The following TOM1L2 variants were observed in gnomAD, a reference collection of about 807,000 sequenced individuals.
TOM1L2 encodes the protein target of myb1 like 2 membrane trafficking protein.
TOM1L2 carries 31 observed loss-of-function variants against 67.9 expected under a neutral mutation model. The observed-to-expected ratio is 0.46, with a 90% CI of 0.34 to 0.62. The LOEUF (loss-of-function observed/expected upper bound fraction) is 0.62, where lower values mean the gene tolerates loss of function less well. Ranked by LOEUF, TOM1L2 falls within the 20% of genes least tolerant of loss-of-function variation. The pLI is 0.01. For missense variants in TOM1L2, 606 were observed against 663.5 expected (o/e 0.91, Z 0.95); for synonymous variants, 256 against 254.0 (o/e 1.01, Z -0.07).
intron 1 of TOM1L2, among the ~76,000 whole-genome samples, chr17:17,949,507 G>C (rs548423262): frequency 8.4e-4 from 128 of 152,340 alleles, no homozygotes; most frequent in African/African-American, 3.0e-3. Context: ...CCTGTGCCAG[G>C]GTGGGTATAT....
At chr17:17,887,211 C>T (rs950189154) in intron 4 of TOM1L2, among the ~76,000 whole-genome samples, 2 of 152,342 alleles carry the variant, frequency 1.3e-5, no homozygotes, top group Middle Eastern at 3.4e-3. Context: ...CTAATCTACC[C>T]GCTTCCTACC....
At chr17:17,861,592 C>T (rs750659543) in intron 11 of TOM1L2, 41 bp from the exon 12 acceptor site, 3 of 1,589,048 alleles carry the variant, frequency 1.9e-6, no homozygotes, top group South Asian at 1.1e-5. Context: ...TCATTTTCCT[C>T]CAGTGGTCAT....
intron 13 of TOM1L2, 186 bp from the exon 14 acceptor site, chr17:17,849,045 G>A (rs1490752696): frequency 5.5e-6 from 3 of 546,134 alleles, no homozygotes; most frequent in Admixed American, 3.5e-5. Flanking sequence ...TGGAGAAACA[G>A]AAGCTTTGTT....
At chr17:17,935,875 G>A (rs1437902206) in intron 1 of TOM1L2, among the ~76,000 whole-genome samples, 1 of 151,852 alleles carries the variant, frequency 6.6e-6, no homozygotes, top group Admixed American at 6.6e-5. Context: ...AGCAAATTCT[G>A]AGGAATGACT....
intron 1 of TOM1L2, among the ~76,000 whole-genome samples, chr17:17,968,597 G>A (rs1297064621): frequency 6.6e-5 from 10 of 151,746 alleles, no homozygotes; most frequent in South Asian, 4.2e-4. Flanking sequence ...CTTGTGGGGC[G>A]GAGGTTGCAG....
At chr17:17,917,450 CTTTTTTTTTTTTTTT>C (rs71155307) in intron 1 of TOM1L2, among the ~76,000 whole-genome samples, 5 of 36,348 alleles carry the variant, frequency 1.4e-4, no homozygotes, top group African/African-American at 2.0e-4. Context: ...TACCATTGGT[CTTTTTTTTTTTTTTT>C]TTTTTTTTTT....
At chr17:17,960,225 T>C (rs1395557341) in intron 1 of TOM1L2, among the ~76,000 whole-genome samples, 1 of 152,202 alleles carries the variant, frequency 6.6e-6, no homozygotes, top group Non-Finnish European at 1.5e-5. Flanking sequence ...CCACAAACAA[T>C]ACTAAGCTCT....
Position 17,943,720 on chromosome 17 carries a change from A to T in TOM1L2, c.52+28542T>A, listed in dbSNP as rs538434540. Among the ~76,000 whole-genome samples, 7 of 152,088 alleles carry T rather than the reference A, an allele frequency of 4.6e-5. No homozygotes were observed. In the South Asian group the frequency reaches 1.5e-3, roughly 32 times the overall value. On this transcript the variant is annotated intron_variant, in intron 1 of 14. Transcript: ENST00000379504. ...GAAAATCTGATCTCATCTTCCCCCT[A>T]AGTATTAAAAACCTCCCAGATCTCC...
intron 1 of TOM1L2, among the ~76,000 whole-genome samples, chr17:17,964,805 C>T (rs959452306): frequency 2.0e-5 from 3 of 152,080 alleles, no homozygotes; most frequent in Non-Finnish European, 2.9e-5. Flanking sequence ...TTAGATATTC[C>T]GATAGCCCAC....
At chr17:17,955,907 T>C (rs1465422295) in intron 1 of TOM1L2, among the ~76,000 whole-genome samples, 1 of 152,168 alleles carries the variant, frequency 6.6e-6, no homozygotes, top group East Asian at 1.9e-4. Flanking sequence ...TTACAGCTCT[T>C]AAGGCAGCGT....
At chr17:17,938,989 T>C (rs140055594) in intron 1 of TOM1L2, among the ~76,000 whole-genome samples, 12 of 152,290 alleles carry the variant, frequency 7.9e-5, no homozygotes, top group African/African-American at 2.9e-4. Flanking sequence ...TAGAATTCCA[T>C]TCTGTCTGAC....
Position 17,847,477 on chromosome 17 carries a change from C to T in TOM1L2, c.*158G>A. The T allele has an allele frequency of 1.0e-6, 1 of 962,438 alleles. No homozygotes were observed. The highest frequency in any genetic ancestry group is 1.5e-6 in the Non-Finnish European group (1 of 665,932). 59.6% of individuals were successfully genotyped at this position (962,438 alleles called of 1,614,324 possible). A position where few individuals can be genotyped will look rare whatever the true frequency, so the allele number is the denominator to read the frequency against. On this transcript the variant is annotated 3_prime_UTR_variant, in exon 15 of 15. Transcript: ENST00000379504. ...AGAAAAGAAGTGGCTGAAGCTGGTC[C>T]TGACTAGTGGGAGGCCTGGGAGCAG...
intron 7 of TOM1L2, among the ~76,000 whole-genome samples, chr17:17,879,148 T>C (rs1169422666): frequency 6.6e-6 from 1 of 152,164 alleles, no homozygotes; most frequent in Non-Finnish European, 1.5e-5. Flanking sequence ...GGGGGTGAGG[T>C]GCCACTACAA....
chr17:17,954,463 C>G (rs1330421295), intron 1 of TOM1L2, among the ~76,000 whole-genome samples: 3 of 152,182 alleles, frequency 2.0e-5, no homozygotes, highest in African/African-American at 4.8e-5. Flanking sequence ...CAGGAACCCA[C>G]CACCATGTCC....
intron 1 of TOM1L2, among the ~76,000 whole-genome samples, chr17:17,928,796 A>AT (rs150561338): frequency 3.9e-3 from 584 of 150,860 alleles, no homozygotes; most frequent in African/African-American, 0.014. Context: ...GTGTCTCAGG[A>AT]TTTTTTTTTT....
intron 1 of TOM1L2, among the ~76,000 whole-genome samples, chr17:17,935,887 A>C (rs1345607170): frequency 1.3e-5 from 2 of 151,868 alleles, no homozygotes; most frequent in East Asian, 3.9e-4. Context: ...GGAATGACTC[A>C]CACTGGTGGT....
At chr17:17,959,913 G>T (rs1486116963) in intron 1 of TOM1L2, among the ~76,000 whole-genome samples, 1 of 152,248 alleles carries the variant, frequency 6.6e-6, no homozygotes, top group Non-Finnish European at 1.5e-5. Context: ...AATTTAGCAT[G>T]TGTTTAAATT....
At chr17:17,909,593 G>C (rs2039253112) in intron 1 of TOM1L2, among the ~76,000 whole-genome samples, 1 of 151,680 alleles carries the variant, frequency 6.6e-6, no homozygotes, top group Non-Finnish European at 1.5e-5. Context: ...GCTGCTGGGG[G>C]GTGTGGGGGT....
intron 4 of TOM1L2, among the ~76,000 whole-genome samples, chr17:17,888,755 T>C (rs1568175272): frequency 6.6e-6 from 1 of 152,228 alleles, no homozygotes; most frequent in African/African-American, 2.4e-5. Flanking sequence ...GAGGTGACTC[T>C]GCCAGGATGA....
Sources: allele counts gnomAD v4.1 joint callset (sites outside exome capture counted in the v4.1 genomes callset), GRCh38; gene constraint gnomAD v4.1.1; transcripts MANE v1.5; gene names NCBI Gene and HGNC (gene_info 2026-07-23, HGNC 2026-07-21).